SPON1: variants seen among roughly 807,000 people sequenced by gnomAD.
The protein encoded by SPON1 is spondin-1.
A neutral mutation model predicts 111.7 loss-of-function variants in SPON1; 52 were observed. The observed-to-expected ratio is 0.47, with a 90% confidence interval of 0.37 to 0.59. The LOEUF (loss-of-function observed/expected upper bound fraction) is 0.59, where lower values mean the gene tolerates loss of function less well. Ranked by LOEUF, SPON1 falls within the 20% of genes least tolerant of loss-of-function variation. The probability of loss-of-function intolerance (pLI) is 0.00; values close to 1 mark genes in which losing one functional copy is unlikely to be tolerated. For missense variants in SPON1, 957 were observed against 1,068.5 expected, an observed-to-expected ratio of 0.90 and a Z score of 1.46; for synonymous variants, 410 against 395.8, an observed-to-expected ratio of 1.04 and a Z score of -0.43.
intron 7 of SPON1, among the ~76,000 whole-genome samples, chr11:14,252,428 C>T (rs112096009): frequency 2.6e-4 from 38 of 144,100 alleles, no homozygotes; most frequent in East Asian, 1.7e-3. Context: ...AAGACCTGCG[C>T]AGAGTGTGGG....
intron 2 of SPON1, among the ~76,000 whole-genome samples, chr11:14,023,864 T>C (rs1369961158): frequency 6.6e-6 from 1 of 151,896 alleles, no homozygotes; most frequent in Non-Finnish European, 1.5e-5. Context: ...TAGCTGGGCG[T>C]AGTGGTGGGC....
At chr11:14,023,342 A>G (rs1352847491) in intron 2 of SPON1, among the ~76,000 whole-genome samples, 6 of 152,172 alleles carry the variant, frequency 3.9e-5, no homozygotes, top group African/African-American at 1.4e-4. Context: ...GCAGTGGTTT[A>G]TTGAGTTTGG....
chr11:14,135,186 G>T lies in SPON1; in HGVS notation c.677-234G>T. On this transcript the variant is annotated intron_variant, in intron 5 of 15. Transcript: ENST00000576479. This position sits in a 1 kb window ranked among gnomAD's most constrained non-coding sequence, Gnocchi z 4.4. ...CCTTCCTAGACAGAACGCATCTCTG[G>T]GCTGCCTCTGCGTCTTGTTCAACAT... 2.4e-6 allele frequency: 1 copy of T among 423,656 alleles called. No individual in the cohort carries two copies. Among genetic ancestry groups the T allele is most frequent in the Non-Finnish European group, 4.3e-6 (1 of 235,188 alleles). 26.2% of individuals were successfully genotyped at this position (423,656 alleles called of 1,614,324 possible). A position where few individuals can be genotyped will look rare whatever the true frequency, so the allele number is the denominator to read the frequency against.
At chr11:14,197,351 C>G (rs781840732) in intron 6 of SPON1, among the ~76,000 whole-genome samples, 43 of 152,148 alleles carry the variant, frequency 2.8e-4, no homozygotes, top group Middle Eastern at 3.4e-3. Context: ...GTTACGGGCC[C>G]CACTTTGCCC....
chr11:14,098,222 TCCTAA>T (rs1849117054), intron 5 of SPON1, among the ~76,000 whole-genome samples: 7 of 152,216 alleles, frequency 4.6e-5, no homozygotes, highest in Admixed American at 4.6e-4. Context: ...GGTCTCGATC[TCCTAA>T]CCTTGTGATC....
intron 2 of SPON1, among the ~76,000 whole-genome samples, chr11:14,029,532 C>A (rs1360877688): frequency 1.3e-5 from 2 of 152,136 alleles, no homozygotes; most frequent in Non-Finnish European, 2.9e-5. Flanking sequence ...AAAAGCAACT[C>A]TCAGCAAAGT....
intron 2 of SPON1, among the ~76,000 whole-genome samples, chr11:14,041,009 G>A (rs547635205): frequency 1.3e-5 from 2 of 152,272 alleles, no homozygotes; most frequent in South Asian, 4.1e-4. Context: ...ATACTGATTA[G>A]TAAATACAAT....
intron 2 of SPON1, among the ~76,000 whole-genome samples, chr11:13,992,894 A>G (rs1302805501): frequency 6.6e-6 from 1 of 151,800 alleles, no homozygotes; most frequent in Non-Finnish European, 1.5e-5. Flanking sequence ...CCACTGTCCA[A>G]CCAGTCCCAA....
At chr11:14,173,155 C>G (rs999732461) in intron 6 of SPON1, among the ~76,000 whole-genome samples, 1 of 151,982 alleles carries the variant, frequency 6.6e-6, no homozygotes, top group African/African-American at 2.4e-5. Flanking sequence ...TTGGTCTTTT[C>G]ACACAGTCCC....
intron 2 of SPON1, among the ~76,000 whole-genome samples, chr11:13,991,680 CT>C (rs1381150540): frequency 2.6e-5 from 4 of 152,182 alleles, no homozygotes; most frequent in African/African-American, 9.6e-5. Context: ...AATTTTCAAA[CT>C]TTTTTTGCTG....
At chr11:14,024,213 G>A (rs1848501191) in intron 2 of SPON1, among the ~76,000 whole-genome samples, 1 of 152,162 alleles carries the variant, frequency 6.6e-6, no homozygotes, top group Non-Finnish European at 1.5e-5. Flanking sequence ...GACTCTTGAA[G>A]CCCCAGTGGG....
At position 13,962,784 on chromosome 11, in the gene SPON1, C is replaced by CAGCTCCG; in HGVS notation, c.-114_-108dup. The stretch of plus-strand genomic sequence containing the variant: ...GGCACGGTCTCCGAGTCGCGGACGC[C>CAGCTCCG]AGCTCCGAGCTCCCTCTCTCCGCCG... On this transcript the variant is annotated 5_prime_UTR_variant, in exon 1 of 16. Coordinates refer to ENST00000576479, the MANE Select transcript of SPON1 (RefSeq NM_006108.4). 3.2e-6 allele frequency: 3 copies of CAGCTCCG among 939,032 alleles called. No individual in the cohort carries two copies. The highest frequency in any genetic ancestry group is 3.0e-6 in the Non-Finnish European group (2 of 672,182). The allele number at this position is 939,032 out of a possible 1,614,324, so 58.2% of individuals were successfully genotyped here. A position where few individuals can be genotyped will look rare whatever the true frequency, so the allele number is the denominator to read the frequency against.
intron 2 of SPON1, among the ~76,000 whole-genome samples, chr11:13,985,407 C>A (rs1380872584): frequency 6.6e-6 from 1 of 152,160 alleles, no homozygotes; most frequent in Non-Finnish European, 1.5e-5. Flanking sequence ...TTCAGAGTGA[C>A]ATGATGAGGT....
At chr11:14,157,698 T>C (rs1345477651) in intron 6 of SPON1, among the ~76,000 whole-genome samples, 1 of 152,122 alleles carries the variant, frequency 6.6e-6, no homozygotes, top group Non-Finnish European at 1.5e-5. Flanking sequence ...ATTTTCCATA[T>C]GCTTCTTATG....
chr11:13,993,838 T>G (rs1848250564), intron 2 of SPON1, among the ~76,000 whole-genome samples: 1 of 152,222 alleles, frequency 6.6e-6, no homozygotes, highest in Non-Finnish European at 1.5e-5. Flanking sequence ...GCATTTGCAC[T>G]AAAATTTAAG....
Position 14,265,909 on chromosome 11 carries a change from G to A in SPON1, c.*222G>A, listed in dbSNP as rs1591433177. The A allele has an allele frequency of 2.0e-6, 1 of 489,468 alleles. No individual in the cohort carries two copies. The highest frequency in any genetic ancestry group is 3.8e-5 in the East Asian group (1 of 26,444). The allele number at this position is 489,468 out of a possible 1,614,324, so 30.3% of individuals were successfully genotyped here. ...CACCTCCAGCCAGCCTCTTCCTGCA[G>A]AGGAGTAGTGTCAGCCACCTTGTAC... On this transcript the variant is annotated 3_prime_UTR_variant, in exon 16 of 16. Transcript: ENST00000576479.
At chr11:14,104,975 A>G (rs781976951) in intron 5 of SPON1, among the ~76,000 whole-genome samples, 1 of 152,138 alleles carries the variant, frequency 6.6e-6, no homozygotes, top group African/African-American at 2.4e-5. Context: ...TATCTTTTAC[A>G]TGAAATATGT....
intron 6 of SPON1, among the ~76,000 whole-genome samples, chr11:14,192,514 T>C (rs113585879): frequency 6.6e-6 from 1 of 151,492 alleles, no homozygotes; most frequent in African/African-American, 2.4e-5. Context: ...AGCTGCCCCG[T>C]CAATGTGCGT....
intron 3 of SPON1, among the ~76,000 whole-genome samples, chr11:14,050,219 C>T (rs1554918331): frequency 1.3e-5 from 2 of 152,232 alleles, no homozygotes; most frequent in East Asian, 1.9e-4. Flanking sequence ...TTTCTAGCCA[C>T]CTTTACAACC....
Sources: gnomAD v4.1 joint callset for allele counts (sites outside exome capture counted in the v4.1 genomes callset) on GRCh38, gnomAD v4.1.1 for gene constraint, Gnocchi (gnomAD v3.1) non-coding constraint, MANE v1.5 for transcripts, NCBI Gene and HGNC (gene_info 2026-07-23, HGNC 2026-07-21) for gene names.